NAALADL2: variants seen among roughly 807,000 people sequenced by gnomAD.
The protein encoded by NAALADL2 is N-acetylated alpha-linked acidic dipeptidase like 2, also known as inactive N-acetylated-alpha-linked acidic dipeptidase-like protein 2.
NAALADL2 carries 76 observed loss-of-function variants against 87.2 expected under a neutral mutation model. The ratio of observed to expected loss-of-function variants is 0.87; its 90% CI spans 0.72 to 1.05. The LOEUF is 1.05. NAALADL2 is among the 50% of genes least tolerant of loss of function. The pLI is 0.00. For missense variants in NAALADL2, 1,089 were observed against 945.8 expected (o/e 1.15, Z -1.99); for synonymous variants, 354 against 331.0 (o/e 1.07, Z -0.75).
chr3:174,762,668 C>CA, intron 3 of NAALADL2, among the ~76,000 whole-genome samples: 2 of 151,952 alleles, frequency 1.3e-5, no homozygotes, highest in Non-Finnish European at 2.9e-5. Flanking sequence ...TGATGTACTT[C>CA]AAAATACAAA....
In NAALADL2 at chr3:175,206,321, T is replaced by TAC. The variant is rs750959695; in HGVS notation, c.546-27596_546-27595dup. Among the ~76,000 whole-genome samples, 742 of 116,856 alleles carry TAC rather than the reference T, an allele frequency of 6.3e-3. 51 individuals are homozygous for TAC. Among genetic ancestry groups the TAC allele is most frequent in the African/African-American group, 0.023 (602 of 26,196 alleles). The allele number at this position is 116,856 out of a possible 152,430, so 76.7% of individuals were successfully genotyped here. A position where few individuals can be genotyped will look rare whatever the true frequency, so the allele number is the denominator to read the frequency against. ...GTATATATATATATATACACATACA[T>TAC]ACACACACACACACATATATAATGT... On this transcript the variant is annotated intron_variant, in intron 2 of 13. Coordinates refer to ENST00000454872, the MANE Select transcript of NAALADL2 (RefSeq NM_207015.3).
At chr3:175,490,588 G>A (rs1233829856) in intron 9 of NAALADL2, among the ~76,000 whole-genome samples, 1 of 148,868 alleles carries the variant, frequency 6.7e-6, no homozygotes. Context: ...CTAGAGACAT[G>A]GTTTCACCGT....
At chr3:174,991,041 A>G (rs1236858282) in intron 1 of NAALADL2, among the ~76,000 whole-genome samples, 1 of 152,166 alleles carries the variant, frequency 6.6e-6, no homozygotes, top group Non-Finnish European at 1.5e-5. Flanking sequence ...ACTTTCTATA[A>G]TATTTTACAC....
At chr3:174,795,128 A>G (rs1387654839) in intron 3 of NAALADL2, among the ~76,000 whole-genome samples, 1 of 150,992 alleles carries the variant, frequency 6.6e-6, no homozygotes, top group African/African-American at 2.4e-5. Flanking sequence ...AGTAGCTGGG[A>G]TTACAGGCAT....
At chr3:174,962,260 A>G (rs891630180) in intron 1 of NAALADL2, among the ~76,000 whole-genome samples, 1 of 150,526 alleles carries the variant, frequency 6.6e-6, no homozygotes, top group East Asian at 2.0e-4. Context: ...AATCAGAACC[A>G]CCCAGCTAAG....
chr3:175,655,144 A>G (rs1400234586), intron 11 of NAALADL2, among the ~76,000 whole-genome samples: 1 of 152,158 alleles, frequency 6.6e-6, no homozygotes, highest in Non-Finnish European at 1.5e-5. Context: ...ATTTATCTCA[A>G]CTGTAAATGA....
chr3:174,749,779 T>C (rs956347239), intron 3 of NAALADL2, among the ~76,000 whole-genome samples: 1 of 152,170 alleles, frequency 6.6e-6, no homozygotes, highest in Non-Finnish European at 1.5e-5. Context: ...TAATTGGCAC[T>C]CAACATACCT....
intron 1 of NAALADL2, among the ~76,000 whole-genome samples, chr3:174,965,525 G>A (rs1159266932): frequency 6.6e-6 from 1 of 152,102 alleles, no homozygotes; most frequent in Non-Finnish European, 1.5e-5. Flanking sequence ...TGCAAGTATT[G>A]TGAGAATTTT....
At chr3:174,924,411 A>G (rs1200423922) in intron 1 of NAALADL2, among the ~76,000 whole-genome samples, 1 of 151,970 alleles carries the variant, frequency 6.6e-6, no homozygotes, top group Non-Finnish European at 1.5e-5. Flanking sequence ...TTATGGCTGC[A>G]TAGTATTCCA....
chr3:175,560,376 G>A (rs1716075319), intron 9 of NAALADL2, among the ~76,000 whole-genome samples: 1 of 142,052 alleles, frequency 7.0e-6, no homozygotes, highest in Non-Finnish European at 1.5e-5. Flanking sequence ...ATCTTTTCAG[G>A]AAATCAGCTT....
chr3:175,261,890 T>A (rs1426358352), intron 4 of NAALADL2, among the ~76,000 whole-genome samples: 1 of 152,050 alleles, frequency 6.6e-6, no homozygotes, highest in Non-Finnish European at 1.5e-5. Flanking sequence ...ACTGCTTAAG[T>A]CCATAAAGCA....
chr3:174,458,151 A>T (rs979588414), intron 1 of NAALADL2, among the ~76,000 whole-genome samples: 1 of 152,168 alleles, frequency 6.6e-6, no homozygotes, highest in Non-Finnish European at 1.5e-5. Flanking sequence ...TGAAAAATGA[A>T]TTTTTTTAAT....
At position 174,564,363 on chromosome 3, in the gene NAALADL2, A is replaced by C. The variant is rs554896503; in HGVS notation, c.-115+13726A>C. Among the ~76,000 whole-genome samples, 3 of 152,210 alleles carry C rather than the reference A, an allele frequency of 2.0e-5. No homozygotes were observed. The South Asian group carries it at 6.2e-4, about 32-fold the overall frequency. ...TTAATCTTTCTAAGTTAGGACACAG[A>C]ATAAAAGGAGGAGGATGTCAGTGAG... On this transcript the variant is annotated intron_variant, in intron 2 of 3. Transcript: ENST00000434257.
At chr3:174,677,192 A>G (rs1306825154) in intron 2 of NAALADL2, among the ~76,000 whole-genome samples, 1 of 151,842 alleles carries the variant, frequency 6.6e-6, no homozygotes, top group African/African-American at 2.4e-5. Flanking sequence ...AACCATCATC[A>G]TTTGACACAT....
At chr3:175,278,488 T>C (rs1171720584) in intron 4 of NAALADL2, among the ~76,000 whole-genome samples, 1 of 152,220 alleles carries the variant, frequency 6.6e-6, no homozygotes, top group Non-Finnish European at 1.5e-5. Flanking sequence ...AGTGTATGAT[T>C]AGGCAAACAC....
At chr3:174,886,426 T>A (rs1730160715) in intron 1 of NAALADL2, among the ~76,000 whole-genome samples, 1 of 152,144 alleles carries the variant, frequency 6.6e-6, no homozygotes, top group South Asian at 2.1e-4. Context: ...ACTCATATGT[T>A]AATCTCCTCT....
chr3:174,856,687 C>A (rs2109509095), upstream of NAALADL2, among the ~76,000 whole-genome samples: 1 of 152,164 alleles, frequency 6.6e-6, no homozygotes. Flanking sequence ...AAAGTGATTT[C>A]TTTAATTGAA....
At chr3:175,691,256 AAT>A (rs760060951) in intron 11 of NAALADL2, among the ~76,000 whole-genome samples, 64 of 148,946 alleles carry the variant, frequency 4.3e-4, no homozygotes, top group Admixed American at 8.1e-4. Flanking sequence ...ACACACAGAT[AAT>A]ATATATATAT....
At chr3:174,673,194 C>T (rs1035297445) in intron 2 of NAALADL2, among the ~76,000 whole-genome samples, 2 of 152,028 alleles carry the variant, frequency 1.3e-5, no homozygotes, top group African/African-American at 4.8e-5. Context: ...ATGCTTTTTA[C>T]AAGCCCACTT....
Sources: gnomAD v4.1 joint callset for allele counts (sites outside exome capture counted in the v4.1 genomes callset) on GRCh38, gnomAD v4.1.1 for gene constraint, MANE v1.5 for transcripts, NCBI Gene and HGNC (gene_info 2026-07-23, HGNC 2026-07-21) for gene names.